CES1: variants seen among roughly 807,000 people sequenced by gnomAD.
The protein encoded by CES1 is liver carboxylesterase 1.
Under a neutral mutation model 53.0 loss-of-function variants are expected in CES1, and 50 were observed. That is an observed-to-expected ratio of 0.94 (90% CI 0.75 to 1.19). The LOEUF (loss-of-function observed/expected upper bound fraction) is 1.19. CES1 is among the 50% of genes most tolerant of loss of function. CES1 has a pLI of 0.00. For missense variants in CES1, 534 were observed against 538.0 expected (o/e 0.99, Z 0.07); for synonymous variants, 202 against 210.1 (o/e 0.96, Z 0.33).
At chr16:55,827,323 G>T (rs1341516136) in intron 2 of CES1, among the ~76,000 whole-genome samples, 2 of 136,930 alleles carry the variant, frequency 1.5e-5, no homozygotes, top group Non-Finnish European at 3.2e-5. Flanking sequence ...CCAATGTGAA[G>T]AAAGGAAAAA....
At chr16:55,827,037 C>A (rs2032444636) in intron 2 of CES1, among the ~76,000 whole-genome samples, 1 of 152,114 alleles carries the variant, frequency 6.6e-6, no homozygotes, top group African/African-American at 2.4e-5. Context: ...ACCAAGGTTA[C>A]ATAGCCAGGT....
chr16:55,831,819 C>A (rs1235143403), intron 1 of CES1, among the ~76,000 whole-genome samples: 4 of 151,472 alleles, frequency 2.6e-5, no homozygotes, highest in Non-Finnish European at 3.0e-5. Flanking sequence ...CAGACCTAGG[C>A]GTGATTTTCG....
chr16:55,814,441 A>T (rs2031841503), intron 8 of CES1, among the ~76,000 whole-genome samples: 1 of 152,264 alleles, frequency 6.6e-6, no homozygotes, highest in South Asian at 2.1e-4. Flanking sequence ...GATTAACTGC[A>T]TCTGAAGCCT....
chr16:55,820,515 C>G (rs1319092897), intron 5 of CES1, 36 bp from the exon 6 acceptor site: 1 of 1,606,200 alleles, frequency 6.2e-7, no homozygotes, highest in African/African-American at 1.3e-5. Flanking sequence ...AGTTCATGCT[C>G]AGGAGTGGGG....
At chr16:55,830,792 A>AGGAAGGAG in intron 1 of CES1, among the ~76,000 whole-genome samples, 1 of 146,138 alleles carries the variant, frequency 6.8e-6, no homozygotes, top group South Asian at 2.2e-4. Flanking sequence ...GAAGGAAGGA[A>AGGAAGGAG]GGAAGGAAGG....
At chr16:55,811,715 G>A (rs554512166) in intron 9 of CES1, among the ~76,000 whole-genome samples, 6 of 152,282 alleles carry the variant, frequency 3.9e-5, no homozygotes, top group East Asian at 1.9e-4. Flanking sequence ...AACCCAACTA[G>A]AGCAGTTACT....
In CES1 at chr16:55,808,903, A is replaced by G. The variant is rs115590652; in HGVS notation, c.1318+1614T>C. Among the ~76,000 whole-genome samples, 1,240 of 152,250 alleles carry G rather than the reference A, an allele frequency of 8.1e-3. 25 individuals are homozygous for G. Among genetic ancestry groups the G allele is most frequent in the African/African-American group, 0.028 (1,153 of 41,532 alleles). ...AGGACATGGAAAATCTTTAGACGAA[A>G]ACACAAAAAATTTATAGCACTTGCC... On this transcript the variant is annotated intron_variant, in intron 11 of 13. Coordinates refer to ENST00000360526, the MANE Select transcript of CES1 (RefSeq NM_001025195.2).
At chr16:55,832,545 G>T (rs1170571903) in intron 1 of CES1, among the ~76,000 whole-genome samples, 2 of 152,176 alleles carry the variant, frequency 1.3e-5, no homozygotes, top group African/African-American at 4.8e-5. Flanking sequence ...TTTCAGAGAG[G>T]GGGTAACCCA....
chr16:55,816,617 G>T (rs780989530), intron 8 of CES1, among the ~76,000 whole-genome samples: 6 of 152,184 alleles, frequency 3.9e-5, no homozygotes, highest in Non-Finnish European at 7.3e-5. Flanking sequence ...TTCTGTTTCA[G>T]CCTCCTCCTA....
intron 4 of CES1, 35 bp from the exon 5 acceptor site, chr16:55,821,556 A>C (rs1379220103): frequency 1.2e-6 from 2 of 1,613,630 alleles, no homozygotes; most frequent in South Asian, 1.1e-5. Flanking sequence ...GGTGGGGAGC[A>C]GAGATGTCAT....
Position 55,826,288 on chromosome 16 carries a change from G to A in CES1, c.268C>T (p.Gln90Ter). ...AGTAACTGCCCCGCCTTGGGATCTT[G>A]GGTGCACCTGGGGAGGGGGAAAGAA... Reference protein sequence around the residue: ...NATSYPPMCTQDPKAGQLLSE... With the variant: ...NATSYPPMCT Residue 90 changes from glutamine (Q) to a stop codon, truncating the protein, a stop_gained, in exon 3 of 14, where the codon CAA becomes TAA. Coordinates refer to ENST00000360526, the MANE Select transcript of CES1 (RefSeq NM_001025195.2). LOFTEE classifies it high-confidence loss of function. The A allele has an allele frequency of 1.2e-6, 2 of 1,613,990 alleles. No individual in the cohort carries two copies. Among genetic ancestry groups the A allele is most frequent in the Non-Finnish European group, 1.7e-6 (2 of 1,179,864 alleles).
intron 11 of CES1, 40 bp downstream of exon 11, chr16:55,810,477 G>T: frequency 6.2e-7 from 1 of 1,613,426 alleles, no homozygotes; most frequent in Non-Finnish European, 8.5e-7. Context: ...ACAGAAGCTC[G>T]TGGGGTTTGT....
At chr16:55,817,094 C>T (rs796312891) in intron 7 of CES1, 132 bp from the exon 8 acceptor site, 25 of 971,114 alleles carry the variant, frequency 2.6e-5, no homozygotes, top group Middle Eastern at 2.2e-4. Flanking sequence ...ATGTGACCTG[C>T]GGTGCTCCAT....
Position 55,813,031 on chromosome 16 carries a change from G to C in CES1, c.958C>G (p.Leu320Val). Residue 320 changes from leucine to valine, a missense_variant, in exon 9 of 14, where the codon CTG (leucine) becomes GTG (valine). Transcript: ENST00000360526. The stretch of plus-strand genomic sequence containing the variant: ...AGCATCCCATCAATCACAGTGCCCA[G>C]AAGGGGTTGACTCTGGGGAGAGAGC... ...QGDPRESQPLLGTVIDGMLLL... is the reference protein window; with the variant it reads ...QGDPRESQPLVGTVIDGMLLL... 6.2e-7 allele frequency: 1 copy of C among 1,613,952 alleles called. No homozygotes were observed. Among genetic ancestry groups the C allele is most frequent in the Middle Eastern group, 1.7e-4 (1 of 6,058 alleles).
intron 11 of CES1, among the ~76,000 whole-genome samples, chr16:55,808,738 T>C (rs1300577695): frequency 6.6e-6 from 1 of 152,150 alleles, no homozygotes. Context: ...TAATAGGATA[T>C]GAATATTAAA....
chr16:55,811,794 C>T (rs1237497934), intron 9 of CES1, among the ~76,000 whole-genome samples: 1 of 152,208 alleles, frequency 6.6e-6, no homozygotes, highest in Non-Finnish European at 1.5e-5. Flanking sequence ...AACCCCATTT[C>T]CTTGAGGACC....
intron 1 of CES1, among the ~76,000 whole-genome samples, chr16:55,831,258 C>A (rs73553829): frequency 3.2e-4 from 49 of 151,912 alleles, no homozygotes; most frequent in African/African-American, 1.1e-3. Flanking sequence ...GCCCAGGGAG[C>A]AAGAGGGCGA....
At chr16:55,820,714 C>A (rs1417009212) in intron 5 of CES1, among the ~76,000 whole-genome samples, 2 of 152,098 alleles carry the variant, frequency 1.3e-5, no homozygotes, top group Non-Finnish European at 2.9e-5. Flanking sequence ...AATCCCCAAT[C>A]CCAGCAGGAC....
rs748271185 is a variant in CES1 at position 55,821,475 on chromosome 16, C to G, written c.586G>C (p.Val196Leu). 3 of 1,614,206 alleles carry G rather than the reference C, an allele frequency of 1.9e-6. No homozygotes were observed. Among genetic ancestry groups the G allele is most frequent in the Non-Finnish European group, 2.5e-6 (3 of 1,180,044 alleles). Residue 196 changes from valine to leucine, a missense_variant, in exon 5 of 14, where the codon GTG becomes CTG. By Grantham distance (32) the Val-to-Leu change is conservative. Around this residue, in one of 5 missense-constraint regions of CES1, gnomAD observed 85 missense variants for 81.9 expected, o/e 1.04. Transcript: ENST00000360526. ...TCCTGGACCCAGCGCAGGGCAGCCA[C>G]CTGGTCCAGGTGACCCCAGTTCCCC... ...SRGNWGHLDQ[V>L]AALRWVQDNI... is the part of the protein sequence containing the mutation.
Sources: gnomAD v4.1 joint callset for allele counts (sites outside exome capture counted in the v4.1 genomes callset) on GRCh38, gnomAD v4.1.1 for gene constraint, gnomAD v4.1.1 regional missense constraint, MANE v1.5 for transcripts, NCBI Gene and HGNC (gene_info 2026-07-23, HGNC 2026-07-21) for gene names.